Variants in ATP8A1 observed in about 807,000 individuals in gnomAD.
The protein encoded by ATP8A1 is ATPase phospholipid transporting 8A1.
ATP8A1 carries 90 observed loss-of-function variants against 177.7 expected under a neutral mutation model. The observed-to-expected ratio is 0.51, with a 90% CI of 0.43 to 0.60. ATP8A1 has a LOEUF of 0.60. Ranked by LOEUF, ATP8A1 falls within the 20% of genes least tolerant of loss-of-function variation. The pLI is 0.00. For synonymous variants in ATP8A1, 493 were observed against 485.9 expected (o/e 1.01, Z -0.19); for missense variants, 1,072 against 1,392.8 (o/e 0.77, Z 3.67).
At chr4:42,531,788 A>C (rs961123239) in intron 20 of ATP8A1, among the ~76,000 whole-genome samples, 9 of 152,280 alleles carry the variant, frequency 5.9e-5, no homozygotes, top group Admixed American at 5.2e-4. Flanking sequence ...GATGAGAAAG[A>C]AAAAAGCCAA....
At chr4:42,603,369 C>T (rs1735490948) in intron 5 of ATP8A1, among the ~76,000 whole-genome samples, 1 of 152,124 alleles carries the variant, frequency 6.6e-6, no homozygotes, top group African/African-American at 2.4e-5. Flanking sequence ...CAGTCATTGG[C>T]AATATTTAGA....
At chr4:42,556,110 CTTTAT>C in intron 15 of ATP8A1, 70 bp from the exon 16 acceptor site, 1 of 1,109,500 alleles carries the variant, frequency 9.0e-7, no homozygotes, top group East Asian at 2.5e-5. Flanking sequence ...TGTTAATGTA[CTTTAT>C]GAGTAAAGTG....
intron 22 of ATP8A1, among the ~76,000 whole-genome samples, chr4:42,518,857 G>A (rs573048471): frequency 2.7e-4 from 41 of 152,284 alleles, no homozygotes; most frequent in African/African-American, 9.6e-4. Flanking sequence ...AGAATCTGTG[G>A]TCTGACACGC....
intron 22 of ATP8A1, among the ~76,000 whole-genome samples, chr4:42,507,762 T>TAAAAAAAAAAAAAAA (rs1560402485): frequency 6.7e-5 from 1 of 14,878 alleles, no homozygotes; most frequent in Non-Finnish European, 1.5e-4. Flanking sequence ...AAAAGTCAGT[T>TAAAAAAAAAAAAAAA]AAAAAGGACA....
At chr4:42,418,346 G>A (rs1484956869) in intron 35 of ATP8A1, among the ~76,000 whole-genome samples, 2 of 123,250 alleles carry the variant, frequency 1.6e-5, no homozygotes, top group Non-Finnish European at 3.6e-5. Flanking sequence ...AGAATTATGA[G>A]TCTCATTATT....
At chr4:42,582,421 G>A (rs567769799) in intron 9 of ATP8A1, among the ~76,000 whole-genome samples, 2 of 151,968 alleles carry the variant, frequency 1.3e-5, no homozygotes, top group Non-Finnish European at 2.9e-5. Flanking sequence ...TTCTAAAAGT[G>A]TTAGGAAGTG....
chr4:42,523,982 CAA>C (rs1726416802), intron 21 of ATP8A1, among the ~76,000 whole-genome samples: 2 of 152,208 alleles, frequency 1.3e-5, no homozygotes, highest in South Asian at 4.1e-4. Flanking sequence ...GTGCCACTGG[CAA>C]CAGTTCCAGC....
intron 20 of ATP8A1, among the ~76,000 whole-genome samples, chr4:42,540,723 T>TAA (rs113428440): frequency 5.9e-5 from 9 of 151,326 alleles, no homozygotes; most frequent in South Asian, 4.2e-4. Context: ...ATGTGAGAGC[T>TAA]AAAAAAAATA....
chr4:42,570,519 A>G (rs1040522380), intron 14 of ATP8A1, among the ~76,000 whole-genome samples: 16 of 152,206 alleles, frequency 1.1e-4, no homozygotes, highest in Non-Finnish European at 2.2e-4. Flanking sequence ...CCAATCTCAT[A>G]CCAGGACAGG....
At chr4:42,446,103 A>AAAAAAAAAAAAAAAAAAAAAAAAAG (rs1717210673) in intron 31 of ATP8A1, among the ~76,000 whole-genome samples, 1 of 107,878 alleles carries the variant, frequency 9.3e-6, no homozygotes, top group Non-Finnish European at 2.3e-5. Context: ...AAAAAAAGAG[A>AAAAAAAAAAAAAAAAAAAAAAAAAG]AGAGATATAG....
chr4:42,541,103 G>A (rs1262160483), intron 20 of ATP8A1, among the ~76,000 whole-genome samples: 1 of 152,162 alleles, frequency 6.6e-6, no homozygotes, highest in East Asian at 1.9e-4. Context: ...TCCAGCCTAG[G>A]TGACAGAGTG....
At chr4:42,629,999 C>T (rs1738555991) in intron 1 of ATP8A1, among the ~76,000 whole-genome samples, 1 of 152,210 alleles carries the variant, frequency 6.6e-6, no homozygotes, top group Non-Finnish European at 1.5e-5. Context: ...GATCTCACAG[C>T]TCTGGGTTAA....
intron 14 of ATP8A1, among the ~76,000 whole-genome samples, chr4:42,572,770 G>A (rs1732037071): frequency 6.6e-6 from 1 of 152,110 alleles, no homozygotes. Flanking sequence ...ATCTGGAAAA[G>A]GACTTTAGAA....
chr4:42,455,094 C>T (rs1718336156), intron 29 of ATP8A1, among the ~76,000 whole-genome samples: 1 of 152,214 alleles, frequency 6.6e-6, no homozygotes, highest in South Asian at 2.1e-4. Context: ...ATAAAACACA[C>T]AAAAAACCCC....
chr4:42,525,737 C>T (rs1240992384), intron 20 of ATP8A1, among the ~76,000 whole-genome samples: 1 of 152,140 alleles, frequency 6.6e-6, no homozygotes, highest in Non-Finnish European at 1.5e-5. Context: ...AAATAAATCA[C>T]TTATCTGCAA....
chr4:42,616,301 T>C (rs545661739), intron 4 of ATP8A1, among the ~76,000 whole-genome samples: 6 of 152,312 alleles, frequency 3.9e-5, no homozygotes, highest in East Asian at 1.9e-4. Flanking sequence ...AGTATCTCCA[T>C]AGAGTGCTCC....
At chr4:42,459,568 A>C (rs1283679698) in intron 27 of ATP8A1, 1 of 321,300 alleles carries the variant, frequency 3.1e-6, no homozygotes, top group South Asian at 2.7e-5. Context: ...GAAAAGCTAG[A>C]TATATAGAAG....
chr4:42,540,014 A>G (rs911452208), intron 20 of ATP8A1, among the ~76,000 whole-genome samples: 1 of 152,206 alleles, frequency 6.6e-6, no homozygotes, highest in Non-Finnish European at 1.5e-5. Context: ...AATCTGTTGA[A>G]TAGAAGAAAG....
At chr4:42,550,949 C>T (rs1464796990) in intron 18 of ATP8A1, among the ~76,000 whole-genome samples, 1 of 152,136 alleles carries the variant, frequency 6.6e-6, no homozygotes, top group Non-Finnish European at 1.5e-5. Context: ...TCAAGAGATA[C>T]ACCCTCATGT....
Sources: allele counts gnomAD v4.1 joint callset (sites outside exome capture counted in the v4.1 genomes callset), GRCh38; gene constraint gnomAD v4.1.1; transcripts MANE v1.5; gene names NCBI Gene and HGNC (gene_info 2026-07-23, HGNC 2026-07-21).